WSCD2: variants seen among roughly 807,000 people sequenced by gnomAD.
The protein encoded by WSCD2 is sialate:O-sulfotransferase 2.
Under a neutral mutation model 55.7 loss-of-function variants are expected in WSCD2, and 28 were observed. That is an observed-to-expected ratio of 0.50 (90% CI 0.37 to 0.69). The LOEUF (loss-of-function observed/expected upper bound fraction) is 0.69. WSCD2 is among the 30% of genes least tolerant of loss of function. WSCD2 has a pLI of 0.00. For missense variants in WSCD2, 616 were observed against 762.1 expected (o/e 0.81, Z 2.26); for synonymous variants, 301 against 301.9 (o/e 1.00, Z 0.03).
At chr12:108,211,435 C>T (rs77696908) in intron 4 of WSCD2, among the ~76,000 whole-genome samples, 2,845 of 152,192 alleles carry the variant, frequency 0.019, 96 homozygotes, top group African/African-American at 0.066. Flanking sequence ...CAGGTGATGC[C>T]AGGATGCTGG....
At chr12:108,147,491 A>T (rs1301424721) in intron 1 of WSCD2, among the ~76,000 whole-genome samples, 1 of 152,070 alleles carries the variant, frequency 6.6e-6, no homozygotes, top group East Asian at 1.9e-4. Flanking sequence ...CAGGGGAGGG[A>T]TTGGCAGGGG....
intron 1 of WSCD2, among the ~76,000 whole-genome samples, chr12:108,156,995 A>T (rs1878583572): frequency 6.6e-6 from 1 of 152,188 alleles, no homozygotes; most frequent in Non-Finnish European, 1.5e-5. Context: ...GTCCCAGAGA[A>T]ATCGACTTCT....
chr12:108,232,603 A>T, intron 6 of WSCD2, 128 bp from the exon 7 acceptor site: 1 of 881,732 alleles, frequency 1.1e-6, no homozygotes, highest in Non-Finnish European at 1.7e-6. Flanking sequence ...CCCATGACCC[A>T]CGCAAGTGTC....
chr12:108,219,476 C>A (rs918195741), intron 4 of WSCD2, among the ~76,000 whole-genome samples: 11 of 152,218 alleles, frequency 7.2e-5, no homozygotes, highest in African/African-American at 2.4e-4. Flanking sequence ...GTGTGCACAG[C>A]AACAGATACA....
intron 1 of WSCD2, among the ~76,000 whole-genome samples, chr12:108,136,933 G>A (rs1876288391): frequency 6.6e-6 from 1 of 152,190 alleles, no homozygotes; most frequent in South Asian, 2.1e-4. Context: ...GGCTGGGCAG[G>A]CTTGGGTGAC....
At chr12:108,221,537 G>A (rs1887519372) in intron 4 of WSCD2, among the ~76,000 whole-genome samples, 1 of 152,152 alleles carries the variant, frequency 6.6e-6, no homozygotes, top group African/African-American at 2.4e-5. Context: ...TCCTCTGGGT[G>A]ACCTTACAGG....
chr12:108,186,653 G>C (rs1022266253), intron 1 of WSCD2, among the ~76,000 whole-genome samples: 1 of 152,144 alleles, frequency 6.6e-6, no homozygotes, highest in African/African-American at 2.4e-5. Flanking sequence ...ATGCATTTAA[G>C]TTTCCTCCAT....
chr12:108,162,517 G>C (rs1192367255), intron 1 of WSCD2, among the ~76,000 whole-genome samples: 1 of 152,096 alleles, frequency 6.6e-6, no homozygotes, highest in Non-Finnish European at 1.5e-5. Flanking sequence ...TCTACTTCTG[G>C]GGGAAAGAAA....
At chr12:108,152,848 C>A (rs1326312150) in intron 1 of WSCD2, among the ~76,000 whole-genome samples, 2 of 152,184 alleles carry the variant, frequency 1.3e-5, no homozygotes, top group East Asian at 1.9e-4. Context: ...CCTGTAATCC[C>A]AGCACTTTGG....
chr12:108,239,424 C>A (rs1447836539), intron 7 of WSCD2, among the ~76,000 whole-genome samples: 2 of 152,196 alleles, frequency 1.3e-5, no homozygotes, highest in East Asian at 3.8e-4. Context: ...CAGGTTAGGA[C>A]CATGTCTATT....
chr12:108,189,030 T>C (rs1039739041), intron 1 of WSCD2, among the ~76,000 whole-genome samples: 21 of 152,356 alleles, frequency 1.4e-4, no homozygotes, highest in African/African-American at 4.3e-4. Flanking sequence ...ACAGGATGTT[T>C]ATCATAGCGT....
intron 7 of WSCD2, among the ~76,000 whole-genome samples, chr12:108,237,207 C>G (rs1889339664): frequency 6.6e-6 from 1 of 152,232 alleles, no homozygotes; most frequent in Admixed American, 6.5e-5. Context: ...CTTCCCTTCT[C>G]TGTTCCTTAG....
intron 1 of WSCD2, among the ~76,000 whole-genome samples, chr12:108,192,723 C>T (rs1883340111): frequency 6.6e-6 from 1 of 152,136 alleles, no homozygotes; most frequent in African/African-American, 2.4e-5. Flanking sequence ...CCTGGGCTAA[C>T]CTTCTGTTGC....
At chr12:108,149,051 T>A (rs1388897784) in intron 1 of WSCD2, among the ~76,000 whole-genome samples, 3 of 152,218 alleles carry the variant, frequency 2.0e-5, no homozygotes, top group African/African-American at 7.2e-5. Flanking sequence ...GGAGACATGA[T>A]CAAAGGATTC....
Position 108,164,139 on chromosome 12 carries a change from C to CTTTTTTTTTTT in WSCD2, c.-551-31130_-551-31120dup, listed in dbSNP as rs1555224800. On this transcript the variant is annotated intron_variant, in intron 1 of 8. Transcript: ENST00000547525. ...TTATACTGTTGTTTAATCTTAAATCCTTTTTTTTTTTTTTTTTTTTTTTCA... is the reference window on the plus strand; with the variant it reads ...TTATACTGTTGTTTAATCTTAAATCCTTTTTTTTTTTTTTTTTTTTTTTTTTTTTTTTTTCA... Among the ~76,000 whole-genome samples, 4 of 85,312 alleles carry CTTTTTTTTTTT rather than the reference C, an allele frequency of 4.7e-5. 1 individual carries two copies. The highest frequency in any genetic ancestry group is 4.3e-4 in the South Asian group (1 of 2,312). The allele number at this position is 85,312 out of a possible 152,430, so 56.0% of individuals were successfully genotyped here.
At chr12:108,190,365 C>T (rs1565948217) in intron 1 of WSCD2, among the ~76,000 whole-genome samples, 1 of 152,012 alleles carries the variant, frequency 6.6e-6, no homozygotes, top group African/African-American at 2.4e-5. Context: ...CTCGGTGAAG[C>T]TTGGGTGGTC....
intron 1 of WSCD2, among the ~76,000 whole-genome samples, chr12:108,194,396 G>A (rs1379644266): frequency 3.3e-5 from 5 of 152,316 alleles, no homozygotes; most frequent in Non-Finnish European, 5.9e-5. Context: ...CTCAAGTGAT[G>A]TCCAGACTAT....
chr12:108,245,018 A>G (rs1889987222), intron 8 of WSCD2, among the ~76,000 whole-genome samples: 1 of 152,164 alleles, frequency 6.6e-6, no homozygotes, highest in African/African-American at 2.4e-5. Flanking sequence ...TATCTTTGCT[A>G]TTATGAATAG....
rs991183095 is a variant in WSCD2 at position 108,248,829 on chromosome 12, G to A, written c.*486G>A. The A allele has an allele frequency of 4.5e-5, 45 of 989,882 alleles. No individual in the cohort carries two copies. The highest frequency in any genetic ancestry group is 1.4e-4 in the South Asian group (3 of 21,580). 61.3% of individuals were successfully genotyped at this position (989,882 alleles called of 1,614,324 possible). A position where few individuals can be genotyped will look rare whatever the true frequency, so the allele number is the denominator to read the frequency against. ...TCTCCACCCAAGAAGTGCTGGCACCGATGTTTAACTCAGGCCACCTTCTGT... is the reference window on the plus strand; with the variant it reads ...TCTCCACCCAAGAAGTGCTGGCACCAATGTTTAACTCAGGCCACCTTCTGT... On this transcript the variant is annotated 3_prime_UTR_variant, in exon 9 of 9. Transcript: ENST00000547525. This position sits in a 1 kb window ranked among gnomAD's most constrained non-coding sequence, Gnocchi z 4.3.
Sources: gnomAD v4.1 joint callset for allele counts (sites outside exome capture counted in the v4.1 genomes callset) on GRCh38, gnomAD v4.1.1 for gene constraint, Gnocchi (gnomAD v3.1) non-coding constraint, MANE v1.5 for transcripts, NCBI Gene and HGNC (gene_info 2026-07-23, HGNC 2026-07-21) for gene names.